Variants in MACROD2 observed in about 807,000 individuals in gnomAD.
MACROD2 encodes the protein mono-ADP ribosylhydrolase 2, also known as ADP-ribose glycohydrolase MACROD2.
A neutral mutation model predicts 70.4 loss-of-function variants in MACROD2; 36 were observed. The ratio of observed to expected loss-of-function variants is 0.51; its 90% CI spans 0.39 to 0.68. MACROD2 has a LOEUF of 0.68. Among genes scored for constraint, MACROD2 ranks in the 30% least tolerant of loss-of-function variants. The pLI is 0.00. For synonymous variants in MACROD2, 172 were observed against 178.8 expected (o/e 0.96, Z 0.30); for missense variants, 496 against 538.4 (o/e 0.92, Z 0.78).
At chr20:14,572,136 G>A (rs1291847070) in intron 4 of MACROD2, among the ~76,000 whole-genome samples, 3 of 151,994 alleles carry the variant, frequency 2.0e-5, no homozygotes, top group Admixed American at 6.6e-5. Flanking sequence ...TAATACTGGG[G>A]AACACTAAGG....
At chr20:15,211,796 G>T (rs571185588) in intron 5 of MACROD2, among the ~76,000 whole-genome samples, 80 of 152,246 alleles carry the variant, frequency 5.3e-4, no homozygotes, top group Admixed American at 1.4e-3. Context: ...TTCCTTTATA[G>T]CAATGCAGAT....
intron 11 of MACROD2, among the ~76,000 whole-genome samples, chr20:15,937,171 A>G (rs2065677275): frequency 6.6e-6 from 1 of 152,194 alleles, no homozygotes; most frequent in African/African-American, 2.4e-5. Context: ...AAAATAATAT[A>G]CCATCCTTTG....
In MACROD2 at chr20:15,960,028, C is replaced by T. The variant is rs1293041868; in HGVS notation, c.908-7525C>T. Among the ~76,000 whole-genome samples, 5 of 152,136 alleles carry T rather than the reference C, an allele frequency of 3.3e-5. No homozygotes were observed. The South Asian group carries it at 1.0e-3, about 32-fold the overall frequency. On this transcript the variant is annotated intron_variant, in intron 12 of 17. Transcript: ENST00000684519. The stretch of plus-strand genomic sequence containing the variant: ...GAATGAGGAAACCATTTCAGCAGCC[C>T]CATGAACTGGATCACCCAGGAGGCA...
At chr20:15,693,940 C>A (rs747937078) in intron 8 of MACROD2, among the ~76,000 whole-genome samples, 7 of 151,314 alleles carry the variant, frequency 4.6e-5, no homozygotes, top group Admixed American at 1.3e-4. Flanking sequence ...AACTTAGCTC[C>A]CACCTATCAG....
At chr20:15,118,884 A>G (rs2076010855) in intron 5 of MACROD2, among the ~76,000 whole-genome samples, 1 of 152,228 alleles carries the variant, frequency 6.6e-6, no homozygotes, top group Admixed American at 6.5e-5. Context: ...CTTATCAAAC[A>G]GGATAACTTA....
intron 6 of MACROD2, among the ~76,000 whole-genome samples, chr20:15,391,890 C>T (rs1208631977): frequency 6.6e-6 from 1 of 152,110 alleles, no homozygotes; most frequent in East Asian, 1.9e-4. Context: ...TTATGACAAA[C>T]AAAGCAAAAC....
intron 6 of MACROD2, among the ~76,000 whole-genome samples, chr20:15,401,442 C>G (rs567695148): frequency 4.6e-5 from 7 of 152,272 alleles, no homozygotes; most frequent in African/African-American, 1.7e-4. Context: ...GCAACATGAC[C>G]TCCAAGGACA....
intron 3 of MACROD2, among the ~76,000 whole-genome samples, chr20:14,247,789 C>T (rs182455275): frequency 9.3e-4 from 141 of 152,266 alleles, no homozygotes; most frequent in African/African-American, 3.3e-3. Context: ...AGGAAGGTTT[C>T]TAAGACAAAA....
At chr20:14,498,227 C>G (rs529258046) in intron 4 of MACROD2, among the ~76,000 whole-genome samples, 1 of 151,942 alleles carries the variant, frequency 6.6e-6, no homozygotes, top group East Asian at 1.9e-4. Context: ...AAAATCTCAG[C>G]CTTTGCCATT....
intron 6 of MACROD2, among the ~76,000 whole-genome samples, chr20:15,320,975 A>G (rs62205202): frequency 9.6e-4 from 146 of 152,310 alleles, no homozygotes; most frequent in Non-Finnish European, 1.8e-3. Context: ...ACAACTCTTG[A>G]GGTATCGTAC....
chr20:14,882,930 A>G (rs1186381201), intron 5 of MACROD2, among the ~76,000 whole-genome samples: 1 of 152,208 alleles, frequency 6.6e-6, no homozygotes, highest in East Asian at 1.9e-4. Flanking sequence ...AGACACCAAC[A>G]TGCCCTCTTA....
At chr20:14,633,616 C>T (rs772973382) in intron 4 of MACROD2, among the ~76,000 whole-genome samples, 2 of 152,144 alleles carry the variant, frequency 1.3e-5, no homozygotes, top group Non-Finnish European at 2.9e-5. Context: ...GTAGCAACTC[C>T]TCTTGGCTCC....
At chr20:14,108,310 C>G (rs949562011) in intron 3 of MACROD2, among the ~76,000 whole-genome samples, 3 of 151,776 alleles carry the variant, frequency 2.0e-5, no homozygotes, top group Non-Finnish European at 4.4e-5. Flanking sequence ...GATAAAATCA[C>G]TTTCACTAAG....
intron 6 of MACROD2, among the ~76,000 whole-genome samples, chr20:15,309,715 A>G (rs981265996): frequency 1.3e-5 from 2 of 152,200 alleles, no homozygotes; most frequent in Non-Finnish European, 2.9e-5. Flanking sequence ...CAAATAAAAT[A>G]TTATAATATT....
chr20:16,032,229 A>G (rs12625655), intron 15 of MACROD2, among the ~76,000 whole-genome samples: 24,944 of 152,046 alleles, frequency 0.16, 2,055 homozygotes, highest in East Asian at 0.26. Flanking sequence ...AAATATGGGA[A>G]CAATATACAA....
rs148594499 is a variant in MACROD2 at position 15,728,409 on chromosome 20, G to A, written c.646-134336G>A. 2.3e-3 allele frequency among the ~76,000 whole-genome samples: 345 copies of A among 152,250 alleles called. 3 individuals carry two copies. The highest frequency in any genetic ancestry group is 7.8e-3 in the African/African-American group (323 of 41,548). ...AGGTTTTGGTATCAGGATAATGCTG[G>A]CCTAATAGAATGAGTTAGTGAGGAG... On this transcript the variant is annotated intron_variant, in intron 8 of 17. Coordinates refer to ENST00000684519, the MANE Select transcript of MACROD2 (RefSeq NM_001351661.2).
At chr20:15,349,540 A>G (rs1261174550) in intron 6 of MACROD2, among the ~76,000 whole-genome samples, 1 of 152,210 alleles carries the variant, frequency 6.6e-6, no homozygotes, top group Middle Eastern at 3.4e-3. Context: ...GTGGATCACG[A>G]GGTCAGGAGT....
intron 5 of MACROD2, among the ~76,000 whole-genome samples, chr20:14,762,314 T>C (rs2072026540): frequency 6.6e-6 from 1 of 152,114 alleles, no homozygotes; most frequent in Non-Finnish European, 1.5e-5. Flanking sequence ...TAAGAAGACT[T>C]ACTCAGGAGT....
chr20:14,181,311 T>G (rs960641254), intron 3 of MACROD2, among the ~76,000 whole-genome samples: 6 of 152,012 alleles, frequency 3.9e-5, no homozygotes, highest in Non-Finnish European at 8.8e-5. Context: ...CAAGCATTCC[T>G]TCCGCCTTGG....
Sources: gnomAD v4.1 joint callset for allele counts (sites outside exome capture counted in the v4.1 genomes callset) on GRCh38, gnomAD v4.1.1 for gene constraint, MANE v1.5 for transcripts, NCBI Gene and HGNC (gene_info 2026-07-23, HGNC 2026-07-21) for gene names.